Variants in INTS8 observed in about 807,000 individuals in gnomAD.
INTS8 encodes protein kaonashi-1.
In INTS8, 47 loss-of-function variants were observed where a neutral mutation model predicts 138.9. The ratio of observed to expected loss-of-function variants is 0.34; its 90% CI spans 0.27 to 0.43. The LOEUF (loss-of-function observed/expected upper bound fraction) is 0.43. INTS8 is among the 20% of genes least tolerant of loss of function. INTS8 has a pLI of 1.00. For missense variants in INTS8, 996 were observed against 1,173.0 expected, an observed-to-expected ratio of 0.85 and a Z score of 2.20; for synonymous variants, 392 against 400.9, an observed-to-expected ratio of 0.98 and a Z score of 0.27.
At chr8:94,858,360 A>G (rs1180935514) in intron 15 of INTS8, among the ~76,000 whole-genome samples, 1 of 152,238 alleles carries the variant, frequency 6.6e-6, no homozygotes, top group East Asian at 1.9e-4. Context: ...TTAGTACCCT[A>G]TAGAGAGAAT....
intron 20 of INTS8, chr8:94,868,675 C>A (rs1816272664): frequency 1.4e-5 from 2 of 146,064 alleles, no homozygotes; most frequent in African/African-American, 5.1e-5. Flanking sequence ...TTTCTCTTTT[C>A]TTTTCTTTTT....
Position 94,876,502 on chromosome 8 carries a change from A to G in INTS8, c.2871+13A>G, listed in dbSNP as rs1233253950. 2.6e-6 allele frequency: 4 copies of G among 1,511,956 alleles called. No homozygotes were observed. In the Admixed American group the frequency reaches 5.3e-5, roughly 20 times the overall value. 93.7% of individuals were successfully genotyped at this position (1,511,956 alleles called of 1,614,324 possible). A position where few individuals can be genotyped will look rare whatever the true frequency, so the allele number is the denominator to read the frequency against. Reference sequence around the variant, plus strand: ...AAGACAAATTGCAGTAAGTTACCTTATGCCTTTCTTCAGTGGTACAGTTTC... The same window carrying G: ...AAGACAAATTGCAGTAAGTTACCTTGTGCCTTTCTTCAGTGGTACAGTTTC... On this transcript the variant is annotated intron_variant, in intron 26 of 26. Transcript: ENST00000523731.
Position 94,880,302 on chromosome 8 carries a change from A to G in INTS8, c.*68A>G, listed in dbSNP as rs986805351. On this transcript the variant is annotated 3_prime_UTR_variant, in exon 27 of 27. Coordinates refer to ENST00000523731, the MANE Select transcript of INTS8 (RefSeq NM_017864.4). The stretch of plus-strand genomic sequence containing the variant: ...AAAAATAAACAGTATTAAAAGGTTA[A>G]GTTTATATAATACATATGTACACAA... The G allele has an allele frequency of 6.4e-6, 5 of 782,806 alleles. No individual in the cohort carries two copies. Among genetic ancestry groups the G allele is most frequent in the African/African-American group, 1.8e-5 (1 of 56,690 alleles). 48.5% of individuals were successfully genotyped at this position (782,806 alleles called of 1,614,324 possible).
chr8:94,861,808 C>A (rs1294096323), intron 16 of INTS8, among the ~76,000 whole-genome samples: 1 of 152,186 alleles, frequency 6.6e-6, no homozygotes, highest in African/African-American at 2.4e-5. Context: ...ACCTCGGCCT[C>A]CCAAAGTGCT....
chr8:94,874,409 T>C, intron 22 of INTS8, 143 bp from the exon 23 acceptor site: 1 of 608,060 alleles, frequency 1.6e-6, no homozygotes, highest in South Asian at 1.9e-5. Context: ...CACAGCAAAA[T>C]TGAATAAAAG....
chr8:94,850,412 A>G lies in INTS8; in HGVS notation c.1507+321A>G, dbSNP rs868449933. ...CGGATCACGAGGTCAGCAGATAGAG[A>G]CCATCCTGGCTAACACGGTGAAACC... On this transcript the variant is annotated intron_variant, in intron 12 of 26. Transcript: ENST00000523731. Among the ~76,000 whole-genome samples the G allele has an allele frequency of 5.9e-5, 9 of 152,218 alleles. No homozygotes were observed. In the East Asian group the frequency reaches 1.5e-3, roughly 26 times the overall value.
In INTS8 at chr8:94,824,900, A is replaced by C; in HGVS notation, c.138A>C (p.Ala46=). The C allele has an allele frequency of 6.2e-7, 1 of 1,606,176 alleles. No individual in the cohort carries two copies. Among genetic ancestry groups the C allele is most frequent in the Non-Finnish European group, 8.5e-7 (1 of 1,175,128 alleles). ...TTTTCTTTTAAACCCTAGATCCTGCACCAGTTCAACTTATAGTTCAGTTTT... is the reference window on the plus strand; with the variant it reads ...TTTTCTTTTAAACCCTAGATCCTGCCCCAGTTCAACTTATAGTTCAGTTTT... ...KHLRKPCPDP[A]PVQLIVQFLE... The change falls in exon 2 of 27, where the codon GCA becomes GCC. Residue 46 remains alanine, a synonymous_variant. Coordinates refer to ENST00000523731, the MANE Select transcript of INTS8 (RefSeq NM_017864.4).
chr8:94,840,962 G>T (rs1157922244), intron 8 of INTS8, among the ~76,000 whole-genome samples: 1 of 150,462 alleles, frequency 6.6e-6, no homozygotes, highest in Non-Finnish European at 1.5e-5. Flanking sequence ...ACCCAGGCTG[G>T]AGTGCAGTGG....
chr8:94,847,176 A>T (rs970092185), intron 10 of INTS8, among the ~76,000 whole-genome samples: 16 of 152,116 alleles, frequency 1.1e-4, no homozygotes, highest in Non-Finnish European at 2.2e-4. Context: ...AGTAGCTGAG[A>T]TTACAGGCAC....
At chr8:94,843,440 G>T (rs1160561934) in intron 10 of INTS8, among the ~76,000 whole-genome samples, 2 of 152,074 alleles carry the variant, frequency 1.3e-5, no homozygotes, top group Admixed American at 6.5e-5. Flanking sequence ...GCTGGCAAGT[G>T]CCTGTAATCC....
At position 94,862,188 on chromosome 8, in the gene INTS8, C is replaced by G. The variant is rs866681951; in HGVS notation, c.2076+2556C>G. ...AACTCCTGACCTCAGGTGATCCCCC[C>G]GCCTGGGCCTCCCAAAGTGCTGGGA... is the stretch of plus-strand genomic sequence containing the variant. On this transcript the variant is annotated intron_variant, in intron 16 of 26. Coordinates refer to ENST00000523731, the MANE Select transcript of INTS8 (RefSeq NM_017864.4). Among the ~76,000 whole-genome samples, 4 of 152,028 alleles carry G rather than the reference C, an allele frequency of 2.6e-5. No individual in the cohort carries two copies. The South Asian group carries it at 6.2e-4, about 24-fold the overall frequency.
intron 2 of INTS8, among the ~76,000 whole-genome samples, 198 bp from the exon 3 acceptor site, chr8:94,827,065 A>C (rs1385693073): frequency 2.6e-5 from 4 of 152,204 alleles, no homozygotes; most frequent in African/African-American, 9.6e-5. Flanking sequence ...AGATTGTGCC[A>C]CTGCACTCCA....
intron 8 of INTS8, among the ~76,000 whole-genome samples, chr8:94,840,036 T>G (rs1415729632): frequency 6.6e-6 from 1 of 152,206 alleles, no homozygotes; most frequent in Non-Finnish European, 1.5e-5. Context: ...GAAAATAGTG[T>G]AATGGGTAGC....
intron 14 of INTS8, among the ~76,000 whole-genome samples, chr8:94,855,118 C>G (rs575334699): frequency 1.7e-4 from 26 of 152,214 alleles, no homozygotes; most frequent in African/African-American, 5.5e-4. Context: ...GGATGGGGCC[C>G]AACATCTTTT....
At chr8:94,829,442 T>C (rs1586466801) in intron 5 of INTS8, among the ~76,000 whole-genome samples, 1 of 152,194 alleles carries the variant, frequency 6.6e-6, no homozygotes, top group African/African-American at 2.4e-5. Context: ...GTGAATCTAA[T>C]GCCCCCATTG....
In INTS8 at chr8:94,824,980, C is replaced by G. The variant is rs1394318489; in HGVS notation, c.218C>G (p.Pro73Arg). The G allele has an allele frequency of 1.2e-6, 2 of 1,612,612 alleles. No individual in the cohort carries two copies. Among genetic ancestry groups the G allele is most frequent in the Non-Finnish European group, 1.7e-6 (2 of 1,178,888 alleles). Reference protein sequence around the residue: ...VNEQNQVQPPPDNKRNRILKL... With the variant: ...VNEQNQVQPPRDNKRNRILKL... ...GAACAAAACCAAGTTCAACCTCCGC[C>G]TGATAACAAGAGAAATCGTATTTTA... Residue 73 changes from proline (P) to arginine (R), a missense_variant, in exon 2 of 27, where the codon CCT becomes CGT. Coordinates refer to ENST00000523731, the MANE Select transcript of INTS8 (RefSeq NM_017864.4).
At position 94,850,005 on chromosome 8, in the gene INTS8, G is replaced by A. The variant is rs1352230479; in HGVS notation, c.1421G>A (p.Arg474Gln). Reference sequence around the variant, plus strand: ...ATTACATTGTTGAAAGATGAAGAACGAAAGCTACTTGTTGATCAGATGAGG... The same window carrying A: ...ATTACATTGTTGAAAGATGAAGAACAAAAGCTACTTGTTGATCAGATGAGG... ...LFITLLKDEE[R>Q]KLLVDQMRKR... is the part of the protein sequence containing the mutation. The change falls in exon 12 of 27, where the codon CGA becomes CAA. Residue 474 changes from arginine to glutamine, a missense_variant. Coordinates refer to ENST00000523731, the MANE Select transcript of INTS8 (RefSeq NM_017864.4). 3 of 1,612,804 alleles carry A rather than the reference G, an allele frequency of 1.9e-6. No individual in the cohort carries two copies. The highest frequency in any genetic ancestry group is 1.7e-4 in the Middle Eastern group (1 of 6,056).
At chr8:94,832,846 G>A (rs539689242) in intron 6 of INTS8, among the ~76,000 whole-genome samples, 158 of 152,142 alleles carry the variant, frequency 1.0e-3, no homozygotes, top group Non-Finnish European at 1.3e-3. Flanking sequence ...AGTAGAGACG[G>A]GGTTTCACCG....
intron 17 of INTS8, 152 bp downstream of exon 17, chr8:94,865,842 C>T (rs1009802546): frequency 4.3e-6 from 3 of 702,288 alleles, no homozygotes; most frequent in African/African-American, 3.6e-5. Flanking sequence ...GTAGTACTCA[C>T]CTGTGATGAA....
Sources: allele counts gnomAD v4.1 joint callset (sites outside exome capture counted in the v4.1 genomes callset), GRCh38; gene constraint gnomAD v4.1.1; transcripts MANE v1.5; gene names NCBI Gene and HGNC (gene_info 2026-07-23, HGNC 2026-07-21).